SLC24A5: variants seen among roughly 807,000 people sequenced by gnomAD.
SLC24A5 encodes solute carrier family 24 member 5.
Under a neutral mutation model 51.6 loss-of-function variants are expected in SLC24A5, and 46 were observed. The ratio of observed to expected loss-of-function variants is 0.89; its 90% CI spans 0.70 to 1.14. The LOEUF (loss-of-function observed/expected upper bound fraction) is 1.14. Among genes scored for constraint, SLC24A5 ranks in the 50% most tolerant of loss-of-function variants. The pLI is 0.00. For synonymous variants in SLC24A5, 230 were observed against 214.9 expected, an observed-to-expected ratio of 1.07 and a Z score of -0.62; for missense variants, 581 against 604.1, an observed-to-expected ratio of 0.96 and a Z score of 0.40.
At chr15:48,121,599 G>A (rs2038680013) in intron 1 of SLC24A5, among the ~76,000 whole-genome samples, 1 of 152,188 alleles carries the variant, frequency 6.6e-6, no homozygotes, top group African/African-American at 2.4e-5. Context: ...ACAAGGAGGA[G>A]TGATTTCATG....
chr15:48,123,813 T>C (rs1297728860), intron 2 of SLC24A5: 1 of 152,124 alleles, frequency 6.6e-6, no homozygotes, highest in African/African-American at 2.4e-5. Context: ...TAAGCATCCA[T>C]TCCAGAAAAC....
In SLC24A5 at chr15:48,121,048, C is replaced by T. The variant is rs753110310; in HGVS notation, c.4C>T (p.Gln2Ter). M[Q>*]TKGGQTWARR... Reference sequence around the variant, plus strand: ...CTGCAGTAAGAGCACAGCAGAAATGCAGACAAAAGGGGGCCAAACATGGGC... The same window carrying T: ...CTGCAGTAAGAGCACAGCAGAAATGTAGACAAAAGGGGGCCAAACATGGGC... The change falls in exon 1 of 9, where the codon CAG becomes TAG. Residue 2 changes from glutamine to a stop codon, truncating the protein, a stop_gained. Transcript: ENST00000341459. LOFTEE classifies it high-confidence loss of function. 3 of 1,613,398 alleles carry T rather than the reference C, an allele frequency of 1.9e-6. No homozygotes were observed. Among genetic ancestry groups the T allele is most frequent in the Non-Finnish European group, 2.5e-6 (3 of 1,179,674 alleles).
intron 2 of SLC24A5, among the ~76,000 whole-genome samples, chr15:48,130,215 A>G (rs574573218): frequency 5.2e-4 from 79 of 152,262 alleles, no homozygotes; most frequent in African/African-American, 1.8e-3. Flanking sequence ...AAAAAGAATA[A>G]TAGCTATGGG....
intron 2 of SLC24A5, among the ~76,000 whole-genome samples, chr15:48,132,510 CAAT>C (rs1355500861): frequency 1.1e-4 from 17 of 152,244 alleles, no homozygotes; most frequent in Admixed American, 1.1e-3. Context: ...AGTAAGTACT[CAAT>C]AAATACAACA....
rs763061121 is a variant in SLC24A5, at chr15:48,142,272, A to C, written c.1424A>C (p.Tyr475Ser). 1 of 1,613,712 alleles carries C rather than the reference A, an allele frequency of 6.2e-7. No individual in the cohort carries two copies. Among genetic ancestry groups the C allele is most frequent in the Admixed American group, 1.7e-5 (1 of 60,014 alleles). Reference sequence around the variant, plus strand: ...TTGGGAATAGTCTGCCTATTATCATACTTGGGGCTTGCTACATTATCAGTT... The same window carrying C: ...TTGGGAATAGTCTGCCTATTATCATCCTTGGGGCTTGCTACATTATCAGTT... ...RKLGIVCLLS[Y>S]LGLATLSVLY... is the part of the protein sequence containing the mutation. The change falls in exon 9 of 9, where the codon TAC becomes TCC. Residue 475 changes from tyrosine to serine, a missense_variant. By Grantham distance (144) the Tyr-to-Ser change is moderately radical. Coordinates refer to ENST00000341459, the MANE Select transcript of SLC24A5 (RefSeq NM_205850.3).
Position 48,142,142 on chromosome 15 carries a change from G to T in SLC24A5, c.1294G>T (p.Glu432Ter). ...TAFINGSAPAEVNSRGLTYIT... is the reference protein window; with the variant it reads ...TAFINGSAPA The stretch of plus-strand genomic sequence containing the variant: ...ATTTATAAATGGATCAGCTCCTGCA[G>T]AAGTAAACAGCAGAGGACTAACTTA... The change falls in exon 9 of 9, where the codon GAA becomes TAA. Residue 432 changes from glutamate (E) to a stop codon, truncating the protein, a stop_gained. Transcript: ENST00000341459. LOFTEE classifies it high-confidence loss of function. 1.2e-6 allele frequency: 2 copies of T among 1,613,872 alleles called. No homozygotes were observed. Among genetic ancestry groups the T allele is most frequent in the South Asian group, 2.2e-5 (2 of 91,074 alleles).
chr15:48,122,355 C>A (rs1006067782), intron 2 of SLC24A5: 2 of 510,020 alleles, frequency 3.9e-6, no homozygotes, highest in East Asian at 3.0e-5. Flanking sequence ...ACTTTGTGTG[C>A]GCTCCTAATA....
At chr15:48,136,576 C>A in intron 5 of SLC24A5, 107 bp from the exon 6 acceptor site, 2 of 1,029,944 alleles carry the variant, frequency 1.9e-6, no homozygotes, top group Non-Finnish European at 2.8e-6. Context: ...TTTGATTGTT[C>A]TATGGCTACT....
intron 7 of SLC24A5, 63 bp downstream of exon 7, chr15:48,139,238 TTCAC>T (rs1567229720): frequency 4.3e-6 from 6 of 1,410,794 alleles, no homozygotes; most frequent in Non-Finnish European, 4.9e-6. Flanking sequence ...ATTGCATATG[TTCAC>T]TCAAAGTAGT....
intron 2 of SLC24A5, among the ~76,000 whole-genome samples, chr15:48,128,465 T>G (rs182068097): frequency 6.6e-6 from 1 of 152,324 alleles, no homozygotes; most frequent in African/African-American, 2.4e-5. Flanking sequence ...GCTTATGTTC[T>G]ACTTTACATT....
chr15:48,136,520 T>C, intron 5 of SLC24A5, 163 bp from the exon 6 acceptor site: 2 of 577,978 alleles, frequency 3.5e-6, no homozygotes, highest in South Asian at 3.5e-5. Context: ...AATAATGCTG[T>C]AATCAAGTCT....
At chr15:48,127,503 G>T (rs895271143) in intron 2 of SLC24A5, among the ~76,000 whole-genome samples, 3 of 152,188 alleles carry the variant, frequency 2.0e-5, no homozygotes, top group African/African-American at 7.2e-5. Context: ...CAACTTTAAA[G>T]TATACCTTAA....
At chr15:48,123,407 A>T (rs962715413) in intron 2 of SLC24A5, 1 of 152,062 alleles carries the variant, frequency 6.6e-6, no homozygotes, top group African/African-American at 2.4e-5. Context: ...AATCTTTTGA[A>T]TCTTGCTTTA....
intron 2 of SLC24A5, chr15:48,123,938 G>C (rs1684787303): frequency 6.6e-6 from 1 of 151,600 alleles, no homozygotes; most frequent in African/African-American, 2.4e-5. Context: ...TTTATTTTAT[G>C]GTTTTCCTTT....
rs1376629863 is a variant in SLC24A5, at chr15:48,121,850, T to C, written c.122-7T>C. On this transcript the variant is annotated splice_region_variant and splice_polypyrimidine_tract_variant and intron_variant, in intron 1 of 8. Coordinates refer to ENST00000341459, the MANE Select transcript of SLC24A5 (RefSeq NM_205850.3). ...TCTTCAAACTTTCACCTCCTTTTCC[T>C]TAACAGGAAATAGCACCCAATGTGT... The C allele has an allele frequency of 6.2e-7, 1 of 1,614,074 alleles. No homozygotes were observed. Among genetic ancestry groups the C allele is most frequent in the Non-Finnish European group, 8.5e-7 (1 of 1,179,934 alleles).
intron 6 of SLC24A5, 134 bp from the exon 7 acceptor site, chr15:48,138,835 G>C (rs1406806917): frequency 1.6e-6 from 1 of 642,496 alleles, no homozygotes; most frequent in Non-Finnish European, 2.7e-6. Context: ...TCAGTAATGA[G>C]GTACTCAAAT....
At position 48,134,326 on chromosome 15, in the gene SLC24A5, G is replaced by T. The variant is rs774678039; in HGVS notation, c.370G>T (p.Val124Phe). Residue 124 changes from valine to phenylalanine, a missense_variant, in exon 3 of 9, where the codon GTT becomes TTT. Val to Phe is a conservative substitution (Grantham distance 50). Transcript: ENST00000341459. Reference sequence around the variant, plus strand: ...AGCGGGCAGTTCAGCTCCTGAATTAGTTACTGCTTTCCTAGGTAAATATTG... The same window carrying T: ...AGCGGGCAGTTCAGCTCCTGAATTATTTACTGCTTTCCTAGGTAAATATTG... ...MAAGSSAPEL[V>F]TAFLGVFITK... 3.1e-6 allele frequency: 5 copies of T among 1,613,576 alleles called. No individual in the cohort carries two copies. Among genetic ancestry groups the T allele is most frequent in the Non-Finnish European group, 4.2e-6 (5 of 1,179,638 alleles).
chr15:48,134,670 A>C (rs1333561693), intron 4 of SLC24A5, 132 bp downstream of exon 4: 1 of 738,672 alleles, frequency 1.4e-6, no homozygotes, highest in African/African-American at 1.8e-5. Flanking sequence ...GAAAAACAAC[A>C]TGTATTCAAT....
chr15:48,122,031 G>A lies in SLC24A5; in HGVS notation c.296G>A (p.Ser99Asn), dbSNP rs368920722. 2.1e-5 allele frequency: 34 copies of A among 1,614,048 alleles called. No homozygotes were observed. The highest frequency in any genetic ancestry group is 2.7e-5 in the Non-Finnish European group (32 of 1,180,012). Residue 99 changes from serine (S) to asparagine (N), a missense_variant, in exon 2 of 9, where the codon AGT (serine) becomes AAT (asparagine). Ser to Asn is a conservative substitution (Grantham distance 46). Transcript: ENST00000341459. Reference protein sequence around the residue: ...EYFLPSLEIISESLGLSQDVA... With the variant: ...EYFLPSLEIINESLGLSQDVA... ...TTCCTACCCTCCCTGGAAATCATCAGTGAATGTAAGTGGCTGGAAAGTTGC... is the reference window on the plus strand; with the variant it reads ...TTCCTACCCTCCCTGGAAATCATCAATGAATGTAAGTGGCTGGAAAGTTGC...
Sources: allele counts gnomAD v4.1 joint callset (sites outside exome capture counted in the v4.1 genomes callset), GRCh38; gene constraint gnomAD v4.1.1; transcripts MANE v1.5; gene names NCBI Gene and HGNC (gene_info 2026-07-23, HGNC 2026-07-21).